POLN: variants seen among roughly 807,000 people sequenced by gnomAD.
POLN encodes DNA polymerase nu, also known as DNA polymerase N.
In POLN, 108 loss-of-function variants were observed where a neutral mutation model predicts 113.5. That is an observed-to-expected ratio of 0.95 (90% CI 0.81 to 1.12). The LOEUF is 1.12. Among genes scored for constraint, POLN ranks in the 50% most tolerant of loss-of-function variants. The probability of loss-of-function intolerance (pLI) is 0.00; values close to 1 mark genes in which losing one functional copy is unlikely to be tolerated. For missense variants in POLN, 1,097 were observed against 1,077.1 expected, an observed-to-expected ratio of 1.02 and a Z score of -0.26; for synonymous variants, 386 against 391.5, an observed-to-expected ratio of 0.99 and a Z score of 0.17.
intron 3 of POLN, among the ~76,000 whole-genome samples, chr4:2,223,424 A>G (rs535742754): frequency 3.7e-4 from 56 of 152,300 alleles, no homozygotes; most frequent in African/African-American, 1.3e-3. Flanking sequence ...CTGCACATGC[A>G]AGGGATAATA....
At chr4:2,174,781 T>C (rs376931042) in intron 9 of POLN, 30 bp from the exon 10 acceptor site, 34 of 1,457,470 alleles carry the variant, frequency 2.3e-5, no homozygotes, top group South Asian at 9.4e-5. Flanking sequence ...AACATCAACG[T>C]CAATTTAAAT....
intron 3 of POLN, among the ~76,000 whole-genome samples, chr4:2,222,046 A>AG (rs1734264381): frequency 6.6e-6 from 1 of 152,198 alleles, no homozygotes; most frequent in Non-Finnish European, 1.5e-5. Flanking sequence ...GCTGTGTCAT[A>AG]GGCATGTCCT....
chr4:2,107,541 T>G (rs1434360776), intron 19 of POLN, among the ~76,000 whole-genome samples: 2 of 151,658 alleles, frequency 1.3e-5, no homozygotes, highest in Non-Finnish European at 2.9e-5. Flanking sequence ...AGGGCATGGA[T>G]TGGGGTTGGG....
chr4:2,202,911 A>G (rs1280591244), intron 5 of POLN, among the ~76,000 whole-genome samples: 2 of 152,118 alleles, frequency 1.3e-5, no homozygotes, highest in African/African-American at 2.4e-5. Flanking sequence ...GGGGACTTCA[A>G]TACTCCACTG....
At chr4:2,135,265 T>C (rs1731825425) in intron 16 of POLN, among the ~76,000 whole-genome samples, 1 of 151,854 alleles carries the variant, frequency 6.6e-6, no homozygotes, top group Non-Finnish European at 1.5e-5. Context: ...TTCCAAGAAA[T>C]CAGGAGACAG....
At chr4:2,196,036 C>T (rs1222109592) in intron 6 of POLN, among the ~76,000 whole-genome samples, 2 of 152,240 alleles carry the variant, frequency 1.3e-5, no homozygotes, top group South Asian at 2.1e-4. Context: ...AAAACTGGGA[C>T]AACCCAATTG....
chr4:2,195,788 T>G (rs551854369), intron 6 of POLN, among the ~76,000 whole-genome samples: 2 of 152,248 alleles, frequency 1.3e-5, no homozygotes, highest in East Asian at 3.9e-4. Context: ...ACATGAAGGA[T>G]AAGGTAAACA....
At chr4:2,163,132 A>G (rs1732642969) in intron 13 of POLN, among the ~76,000 whole-genome samples, 1 of 152,012 alleles carries the variant, frequency 6.6e-6, no homozygotes, top group Non-Finnish European at 1.5e-5. Context: ...TTTTGATGTA[A>G]TAGGTGAACC....
chr4:2,189,365 C>T (rs1389502173), intron 7 of POLN, among the ~76,000 whole-genome samples: 1 of 152,240 alleles, frequency 6.6e-6, no homozygotes, highest in African/African-American at 2.4e-5. Flanking sequence ...ACCGGCCAGG[C>T]ACAGTGGCTC....
At chr4:2,205,930 C>A (rs2108762983) in intron 5 of POLN, among the ~76,000 whole-genome samples, 1 of 151,460 alleles carries the variant, frequency 6.6e-6, no homozygotes, top group South Asian at 2.1e-4. Context: ...AACAAAAAAG[C>A]CCACATAGCC....
At chr4:2,198,752 C>T in intron 5 of POLN, 35 bp from the exon 6 acceptor site, 3 of 1,528,306 alleles carry the variant, frequency 2.0e-6, no homozygotes, top group Non-Finnish European at 2.7e-6. Flanking sequence ...TAAACCCAGA[C>T]AACATATCTG....
chr4:2,170,598 G>A lies in POLN; in HGVS notation c.1554+81C>T, dbSNP rs1039101406. The A allele has an allele frequency of 6.6e-5, 80 of 1,212,210 alleles. 1 individual carries two copies. Among genetic ancestry groups the A allele is most frequent in the South Asian group, 1.1e-4 (8 of 73,382 alleles). 75.1% of individuals were successfully genotyped at this position (1,212,210 alleles called of 1,614,324 possible). A position where few individuals can be genotyped will look rare whatever the true frequency, so the allele number is the denominator to read the frequency against. ...CATGAGGGGACGGCCTGAGAGTCTCGGGTGGGTCTGAAGGTCAGCACACAT... is the reference window on the plus strand; with the variant it reads ...CATGAGGGGACGGCCTGAGAGTCTCAGGTGGGTCTGAAGGTCAGCACACAT... On this transcript the variant is annotated intron_variant, in intron 13 of 25. Transcript: ENST00000511885.
At chr4:2,236,463 T>C in intron 2 of POLN, 1 of 1,579,484 alleles carries the variant, frequency 6.3e-7, no homozygotes, top group Non-Finnish European at 8.7e-7. Context: ...AAGCCTGAAA[T>C]GTAAAAATTA....
chr4:2,085,576 GGCAGGGA>G, intron 21 of POLN, 30 bp downstream of exon 21: 1 of 1,610,910 alleles, frequency 6.2e-7, no homozygotes, highest in African/African-American at 1.3e-5. Context: ...ACAGAGGGTT[GGCAGGGA>G]GCAGGGAGCT....
At chr4:2,120,172 A>G (rs545428505) in intron 19 of POLN, among the ~76,000 whole-genome samples, 2 of 152,282 alleles carry the variant, frequency 1.3e-5, no homozygotes, top group South Asian at 2.1e-4. Flanking sequence ...TAAAGTTTTA[A>G]TATCAGGTGG....
chr4:2,104,582 C>G (rs1027070267), intron 19 of POLN, among the ~76,000 whole-genome samples: 2 of 152,168 alleles, frequency 1.3e-5, no homozygotes, highest in African/African-American at 4.8e-5. Flanking sequence ...CCCAAACCTC[C>G]CCCAGTAAAC....
intron 3 of POLN, among the ~76,000 whole-genome samples, chr4:2,222,802 C>A (rs61792602): frequency 0.083 from 12,545 of 150,984 alleles, 775 homozygotes; most frequent in African/African-American, 0.17. Context: ...GCAGTATTGT[C>A]CCAGCTGGTG....
At chr4:2,140,583 C>T (rs1347542368) in intron 16 of POLN, among the ~76,000 whole-genome samples, 1 of 152,070 alleles carries the variant, frequency 6.6e-6, no homozygotes, top group African/African-American at 2.4e-5. Context: ...CCCATCTCTA[C>T]TAAAAATACA....
chr4:2,113,227 G>C (rs1283939931), intron 19 of POLN, among the ~76,000 whole-genome samples: 2 of 123,562 alleles, frequency 1.6e-5, no homozygotes, highest in Admixed American at 9.4e-5. Flanking sequence ...CACACACCGG[G>C]GACTGTTGCA....
Sources: gnomAD v4.1 joint callset for allele counts (sites outside exome capture counted in the v4.1 genomes callset) on GRCh38, gnomAD v4.1.1 for gene constraint, MANE v1.5 for transcripts, NCBI Gene and HGNC (gene_info 2026-07-23, HGNC 2026-07-21) for gene names.